MCF2L2: variants seen among roughly 807,000 people sequenced by gnomAD.
The protein encoded by MCF2L2 is MCF.2 cell line derived transforming sequence-like 2.
A neutral mutation model predicts 150.2 loss-of-function variants in MCF2L2; 102 were observed. That is an observed-to-expected ratio of 0.68 (90% CI 0.58 to 0.80). MCF2L2 has a LOEUF of 0.80. MCF2L2 is among the 30% of genes least tolerant of loss of function. The pLI, the probability that MCF2L2 is intolerant of heterozygous loss-of-function variation, is 0.00. For synonymous variants in MCF2L2, 465 were observed against 491.3 expected (o/e 0.95, Z 0.71); for missense variants, 1,256 against 1,372.8 (o/e 0.91, Z 1.34).
intron 1 of MCF2L2, among the ~76,000 whole-genome samples, chr3:183,402,380 G>A (rs912588853): frequency 6.7e-6 from 1 of 149,940 alleles, no homozygotes; most frequent in African/African-American, 2.4e-5. Flanking sequence ...CGTGACCTCG[G>A]GAGGCGGAGC....
At chr3:183,318,985 AAAGT>A (rs1265495640) in intron 6 of MCF2L2, among the ~76,000 whole-genome samples, 2 of 152,236 alleles carry the variant, frequency 1.3e-5, no homozygotes, top group African/African-American at 4.8e-5. Flanking sequence ...ACAATTTCTT[AAAGT>A]AAGACAACAA....
intron 13 of MCF2L2, among the ~76,000 whole-genome samples, chr3:183,291,496 CA>C (rs776313498): frequency 3.5e-4 from 53 of 152,200 alleles, no homozygotes; most frequent in Non-Finnish European, 7.2e-4. Flanking sequence ...AAAGTTTTTT[CA>C]CGTTCCTTAT....
chr3:183,325,110 A>C (rs1373190908), intron 5 of MCF2L2, among the ~76,000 whole-genome samples: 1 of 100,500 alleles, frequency 1.0e-5, no homozygotes. Flanking sequence ...TACTCCGGGG[A>C]CTGTTGTGGG....
intron 3 of MCF2L2, among the ~76,000 whole-genome samples, chr3:183,347,548 G>A (rs1045769829): frequency 1.3e-5 from 2 of 152,136 alleles, no homozygotes; most frequent in African/African-American, 4.8e-5. Flanking sequence ...AGCCAAAATT[G>A]ACAAATGGAA....
chr3:183,321,375 T>A (rs1729802813), intron 6 of MCF2L2, among the ~76,000 whole-genome samples: 1 of 149,884 alleles, frequency 6.7e-6, no homozygotes, highest in Non-Finnish European at 1.5e-5. Flanking sequence ...GAGGCTGAGG[T>A]TTCAGTGAGC....
chr3:183,385,756 T>C (rs977162439), intron 2 of MCF2L2, among the ~76,000 whole-genome samples: 39 of 152,208 alleles, frequency 2.6e-4, no homozygotes, highest in African/African-American at 8.2e-4. Context: ...CCGTCTCCTG[T>C]GGCAGTTAGA....
chr3:183,270,691 A>T lies in MCF2L2; in HGVS notation c.1862+6181T>A. 1 of 1,614,030 alleles carries T rather than the reference A, an allele frequency of 6.2e-7. No homozygotes were observed. The highest frequency in any genetic ancestry group is 1.1e-5 in the South Asian group (1 of 91,030). ...GCCAATAAAATAGGGATAGTACCGC[A>T]GGACCATGTGTTTTTTTCTGGAGAG... On this transcript the variant is annotated intron_variant, in intron 15 of 29. Transcript: ENST00000328913. The surrounding 1 kb of genome is among the most constrained non-coding windows in gnomAD (Gnocchi z 4.5).
At chr3:183,332,289 G>A (rs112144468) in intron 5 of MCF2L2, among the ~76,000 whole-genome samples, 8 of 152,258 alleles carry the variant, frequency 5.3e-5, no homozygotes, top group African/African-American at 1.9e-4. Context: ...CTTACGGAGT[G>A]AACTTGCATT....
At chr3:183,272,610 A>G in intron 15 of MCF2L2, 1 of 998,568 alleles carries the variant, frequency 1.0e-6, no homozygotes, top group Non-Finnish European at 1.2e-6. Context: ...AGTGTCAAAC[A>G]TTCTAGGTTG....
intron 3 of MCF2L2, among the ~76,000 whole-genome samples, chr3:183,355,613 A>ATTTTTTTTTTTTTT (rs71185653): frequency 3.6e-5 from 3 of 84,454 alleles, no homozygotes; most frequent in African/African-American, 5.5e-5. Flanking sequence ...CGCCCAGCTA[A>ATTTTTTTTTTTTTT]TTTTTTTTTT....
chr3:183,212,413 G>T (rs1036743325), intron 22 of MCF2L2, among the ~76,000 whole-genome samples: 1 of 152,168 alleles, frequency 6.6e-6, no homozygotes, highest in Non-Finnish European at 1.5e-5. Flanking sequence ...GGAACATAGC[G>T]GCTACCTCAA....
chr3:183,338,973 A>C, intron 4 of MCF2L2, 54 bp from the exon 5 acceptor site: 1 of 1,553,962 alleles, frequency 6.4e-7, no homozygotes, highest in Non-Finnish European at 8.8e-7. Flanking sequence ...CATATTCGTT[A>C]CCAGGGTCTA....
At chr3:183,421,846 T>A (rs1233289583) in intron 1 of MCF2L2, among the ~76,000 whole-genome samples, 2 of 152,244 alleles carry the variant, frequency 1.3e-5, no homozygotes, top group Non-Finnish European at 2.9e-5. Context: ...GCTAGACTGT[T>A]TTAGTGAAGT....
At chr3:183,318,532 G>A (rs1008854340) in intron 6 of MCF2L2, among the ~76,000 whole-genome samples, 4 of 152,140 alleles carry the variant, frequency 2.6e-5, no homozygotes, top group Admixed American at 6.5e-5. Flanking sequence ...TGAGTCTCTC[G>A]TTCAAAGAGG....
At chr3:183,193,286 C>G (rs1721964688) in intron 26 of MCF2L2, among the ~76,000 whole-genome samples, 190 bp from the exon 27 acceptor site, 1 of 152,082 alleles carries the variant, frequency 6.6e-6, no homozygotes, top group Admixed American at 6.6e-5. Context: ...AAGGAAATGT[C>G]CAAAGGACAC....
intron 1 of MCF2L2, among the ~76,000 whole-genome samples, chr3:183,402,451 C>CAAAAAAAAAAAAAAAAAA (rs779201489): frequency 1.3e-4 from 7 of 54,770 alleles, no homozygotes; most frequent in East Asian, 6.6e-4. Context: ...GAGACTCCAT[C>CAAAAAAAAAAAAAAAAAA]AAAAAAAAAA....
In MCF2L2 at chr3:183,264,744, C is replaced by A. The variant is rs181177965; in HGVS notation, c.1862+12128G>T. On this transcript the variant is annotated intron_variant, in intron 15 of 29. Coordinates refer to ENST00000328913, the MANE Select transcript of MCF2L2 (RefSeq NM_015078.4). ...TTGACAGCAGGGGTAAGGTTTACAA[C>A]AATCAGGGATTATTGCAGGGAAACT... Among the ~76,000 whole-genome samples, 389 of 152,294 alleles carry A rather than the reference C, an allele frequency of 2.6e-3. 2 individuals carry two copies. The highest frequency in any genetic ancestry group is 8.3e-3 in the African/African-American group (344 of 41,568).
At position 183,248,980 on chromosome 3, in the gene MCF2L2, C is replaced by A. The variant is rs117940829; in HGVS notation, c.1863-17963G>T. Among the ~76,000 whole-genome samples, 60 of 152,330 alleles carry A rather than the reference C, an allele frequency of 3.9e-4. 1 individual carries two copies. The East Asian group carries it at 0.011, about 29-fold the overall frequency. ...TAGCCCCCATCTTGCTGTCAATAAT[C>A]ATTTCCAGGGGCTGTAATTGTCTTC... is the stretch of plus-strand genomic sequence containing the variant. On this transcript the variant is annotated intron_variant, in intron 15 of 29. Coordinates refer to ENST00000328913, the MANE Select transcript of MCF2L2 (RefSeq NM_015078.4).
At chr3:183,245,526 A>G (rs1724212460) in intron 15 of MCF2L2, among the ~76,000 whole-genome samples, 1 of 152,114 alleles carries the variant, frequency 6.6e-6, no homozygotes, top group Admixed American at 6.5e-5. Context: ...GGGGAGGTAT[A>G]GGAGATTGAT....
Sources: allele counts gnomAD v4.1 joint callset (sites outside exome capture counted in the v4.1 genomes callset), GRCh38; gene constraint gnomAD v4.1.1; non-coding constraint Gnocchi (gnomAD v3.1); transcripts MANE v1.5; gene names NCBI Gene and HGNC (gene_info 2026-07-23, HGNC 2026-07-21).